The following ABI1 variants were observed in gnomAD, a reference collection of about 807,000 sequenced individuals.
ABI1 encodes the protein abl interactor 1, also known as Abelson interactor 1.
ABI1 carries 14 observed loss-of-function variants against 54.6 expected under a neutral mutation model. The observed-to-expected ratio is 0.26, with a 90% CI of 0.17 to 0.40. The LOEUF is 0.40. Among genes scored for constraint, ABI1 ranks in the 10% least tolerant of loss-of-function variants. The pLI is 1.00. For synonymous variants in ABI1, 194 were observed against 209.3 expected, an observed-to-expected ratio of 0.93 and a Z score of 0.63; for missense variants, 443 against 598.3, an observed-to-expected ratio of 0.74 and a Z score of 2.71.
At chr10:26,820,741 C>T (rs1186854896) in intron 2 of ABI1, among the ~76,000 whole-genome samples, 1 of 151,792 alleles carries the variant, frequency 6.6e-6, no homozygotes, top group Non-Finnish European at 1.5e-5. Context: ...GTGCCCGCCA[C>T]CACGCCCGGC....
chr10:26,855,758 G>A (rs910847371), intron 1 of ABI1, among the ~76,000 whole-genome samples: 2 of 151,998 alleles, frequency 1.3e-5, no homozygotes, highest in African/African-American at 2.4e-5. Flanking sequence ...ATCACCCGAG[G>A]TCAGGAGTTT....
chr10:26,836,882 T>C (rs374465175), intron 1 of ABI1, among the ~76,000 whole-genome samples: 13 of 152,310 alleles, frequency 8.5e-5, no homozygotes, highest in Admixed American at 1.3e-4. Flanking sequence ...AACTTTTATA[T>C]GGGAGGAGAA....
Position 26,751,894 on chromosome 10 carries a change from A to G in ABI1, c.1085-111T>C, listed in dbSNP as rs374177554. 5.8e-4 allele frequency: 529 copies of G among 914,640 alleles called. No homozygotes were observed. In the African/African-American group the frequency reaches 8.4e-3, roughly 14 times the overall value. 56.7% of individuals were successfully genotyped at this position (914,640 alleles called of 1,614,324 possible). ...TTAAGTACAGCATGCACTATAATAA[A>G]ACATGCAATGATTAGAAATAAAAGC... On this transcript the variant is annotated intron_variant, in intron 9 of 10. Coordinates refer to ENST00000376140, the MANE Select transcript of ABI1 (RefSeq NM_001012750.3).
intron 2 of ABI1, among the ~76,000 whole-genome samples, chr10:26,803,962 TA>T (rs1260845295): frequency 2.0e-5 from 3 of 148,512 alleles, no homozygotes; most frequent in Admixed American, 2.0e-4. Context: ...AAGGATGAAG[TA>T]AAAAAAAATT....
At chr10:26,775,897 T>C (rs1224587408) in intron 3 of ABI1, among the ~76,000 whole-genome samples, 1 of 152,208 alleles carries the variant, frequency 6.6e-6, no homozygotes, top group Non-Finnish European at 1.5e-5. Context: ...TATGTATGTA[T>C]ACATACATGC....
intron 2 of ABI1, among the ~76,000 whole-genome samples, chr10:26,781,575 C>T (rs1396531299): frequency 1.3e-5 from 2 of 152,208 alleles, no homozygotes; most frequent in South Asian, 2.1e-4. Flanking sequence ...TGCTTTGTTC[C>T]ACGGGCAAAA....
chr10:26,756,100 AC>A (rs1450182041), intron 8 of ABI1, among the ~76,000 whole-genome samples: 5 of 152,246 alleles, frequency 3.3e-5, no homozygotes, highest in Non-Finnish European at 7.3e-5. Context: ...AAAATAGGTA[AC>A]AATGAAATAC....
chr10:26,777,698 G>A lies in ABI1; in HGVS notation c.286-457C>T, dbSNP rs910158876. Reference sequence around the variant, plus strand: ...ATGAAGTGAGAGGATTGCTTCAACCGGGGAGGTCGAGGCTGCAGTGAGCTG... The same window carrying A: ...ATGAAGTGAGAGGATTGCTTCAACCAGGGAGGTCGAGGCTGCAGTGAGCTG... On this transcript the variant is annotated intron_variant, in intron 2 of 10. Transcript: ENST00000376140. Among the ~76,000 whole-genome samples, 20 of 152,168 alleles carry A rather than the reference G, an allele frequency of 1.3e-4. No homozygotes were observed. The South Asian group carries it at 2.7e-3, about 21-fold the overall frequency.
chr10:26,754,742 A>C (rs898374823), intron 9 of ABI1, among the ~76,000 whole-genome samples: 1 of 152,238 alleles, frequency 6.6e-6, no homozygotes, highest in African/African-American at 2.4e-5. Context: ...GTCCAAATGA[A>C]GTAAATTAAA....
intron 1 of ABI1, among the ~76,000 whole-genome samples, chr10:26,847,624 T>A (rs980439216): frequency 6.6e-6 from 1 of 150,796 alleles, no homozygotes; most frequent in African/African-American, 2.4e-5. Context: ...ACCCTGTCTT[T>A]AAAAAAAACA....
At chr10:26,793,111 T>G (rs961210724) in intron 2 of ABI1, among the ~76,000 whole-genome samples, 22 of 152,112 alleles carry the variant, frequency 1.4e-4, no homozygotes, top group Admixed American at 1.3e-3. Flanking sequence ...TGTACATAAG[T>G]AAAAACACAA....
At position 26,755,722 on chromosome 10, in the gene ABI1, A is replaced by AG; in HGVS notation, c.1016dup (p.Pro340SerfsTer25). The AG allele has an allele frequency of 6.2e-7, 1 of 1,610,802 alleles. No individual in the cohort carries two copies. The highest frequency in any genetic ancestry group is 8.5e-7 in the Non-Finnish European group (1 of 1,177,674). On this transcript the variant is annotated frameshift_variant, in exon 9 of 11. Transcript: ENST00000376140. LOFTEE classifies it high-confidence loss of function. ...GTGGAGTCAACTGAGGCATAGGGGGAGGGGGTGGAGCAATAGAAACTGGTA... is the reference window on the plus strand; with the variant it reads ...GTGGAGTCAACTGAGGCATAGGGGGAGGGGGGTGGAGCAATAGAAACTGGTA...
At chr10:26,830,965 T>G (rs985987387) in intron 1 of ABI1, among the ~76,000 whole-genome samples, 1 of 152,180 alleles carries the variant, frequency 6.6e-6, no homozygotes, top group Non-Finnish European at 1.5e-5. Context: ...GGCACGATCA[T>G]AGTTCACTGC....
At chr10:26,849,364 G>A (rs1292025289) in intron 1 of ABI1, among the ~76,000 whole-genome samples, 1 of 152,150 alleles carries the variant, frequency 6.6e-6, no homozygotes, top group Non-Finnish European at 1.5e-5. Context: ...AAATGTTCTT[G>A]ATGAAGCAGG....
At chr10:26,845,194 T>G (rs2049880257) in intron 1 of ABI1, among the ~76,000 whole-genome samples, 1 of 151,928 alleles carries the variant, frequency 6.6e-6, no homozygotes, top group South Asian at 2.1e-4. Context: ...TAAGCAAACT[T>G]CTGACTGCCC....
chr10:26,806,390 A>T (rs993053161), intron 2 of ABI1, among the ~76,000 whole-genome samples: 14 of 152,276 alleles, frequency 9.2e-5, no homozygotes, highest in African/African-American at 3.4e-4. Flanking sequence ...TTTTTTCCAA[A>T]TTGATGCTCC....
At chr10:26,796,016 T>C (rs1450606707) in intron 2 of ABI1, among the ~76,000 whole-genome samples, 2 of 151,928 alleles carry the variant, frequency 1.3e-5, no homozygotes, top group African/African-American at 2.4e-5. Context: ...AAAAGCTTCG[T>C]AGGTCTAAGC....
intron 1 of ABI1, among the ~76,000 whole-genome samples, chr10:26,837,577 AAC>A (rs2049172440): frequency 6.6e-6 from 1 of 152,158 alleles, no homozygotes; most frequent in Non-Finnish European, 1.5e-5. Context: ...CAATACTGTT[AAC>A]AGTTACATAT....
At chr10:26,830,624 TAA>T (rs71403893) in intron 1 of ABI1, among the ~76,000 whole-genome samples, 10 of 126,276 alleles carry the variant, frequency 7.9e-5, no homozygotes, top group Admixed American at 1.6e-4. Flanking sequence ...CTGTCTCCTT[TAA>T]AAAAAAAAAA....
Sources: allele counts gnomAD v4.1 joint callset (sites outside exome capture counted in the v4.1 genomes callset), GRCh38; gene constraint gnomAD v4.1.1; transcripts MANE v1.5; gene names NCBI Gene and HGNC (gene_info 2026-07-23, HGNC 2026-07-21).